CDH13: variants seen among roughly 807,000 people sequenced by gnomAD.
The protein encoded by CDH13 is cadherin 13.
Under a neutral mutation model 63.8 loss-of-function variants are expected in CDH13, and 24 were observed. That is an observed-to-expected ratio of 0.38 (90% CI 0.27 to 0.53). The LOEUF (loss-of-function observed/expected upper bound fraction) is 0.53, where lower values mean the gene tolerates loss of function less well. Among genes scored for constraint, CDH13 ranks in the 20% least tolerant of loss-of-function variants. CDH13 has a pLI of 0.85. For missense variants in CDH13, 1,049 were observed against 903.1 expected (o/e 1.16, Z -2.07); for synonymous variants, 503 against 355.3 (o/e 1.42, Z -4.67).
At position 83,426,511 on chromosome 16, in the gene CDH13, A is replaced by T. The variant is rs1228251872; in HGVS notation, c.782-59966A>T. Among the ~76,000 whole-genome samples the T allele has an allele frequency of 1.4e-4, 5 of 36,864 alleles. No homozygotes were observed. The South Asian group carries it at 4.3e-3, about 32-fold the overall frequency. The allele number at this position is 36,864 out of a possible 152,430, so 24.2% of individuals were successfully genotyped here. On this transcript the variant is annotated intron_variant, in intron 6 of 13. Transcript: ENST00000567109. ...GGAAACAACTCCCATGGAAACAATC[A>T]CACACACACACACACACACACACAC... is the stretch of plus-strand genomic sequence containing the variant.
At chr16:82,679,702 A>G (rs1914334096) in intron 1 of CDH13, among the ~76,000 whole-genome samples, 1 of 152,164 alleles carries the variant, frequency 6.6e-6, no homozygotes, top group South Asian at 2.1e-4. Context: ...ATAAATAGGG[A>G]CGTTAATACC....
intron 6 of CDH13, among the ~76,000 whole-genome samples, chr16:83,356,374 T>C (rs1220924455): frequency 6.6e-6 from 1 of 151,948 alleles, no homozygotes; most frequent in African/African-American, 2.4e-5. Context: ...TAACCTCAAA[T>C]AAAGCCAGAT....
chr16:83,490,504 G>A (rs1008367763), intron 7 of CDH13, among the ~76,000 whole-genome samples: 1 of 152,132 alleles, frequency 6.6e-6, no homozygotes, highest in African/African-American at 2.4e-5. Flanking sequence ...ATCTGAGGCA[G>A]GTGCACTCAT....
chr16:82,846,884 A>C (rs1381076282), intron 1 of CDH13, among the ~76,000 whole-genome samples: 1 of 152,228 alleles, frequency 6.6e-6, no homozygotes, highest in East Asian at 1.9e-4. Context: ...TTACTAAAAC[A>C]ATAGCAAAAA....
chr16:82,829,172 T>C (rs1472219950), intron 1 of CDH13: 1 of 152,122 alleles, frequency 6.6e-6, no homozygotes, highest in East Asian at 1.9e-4. Context: ...TATACATGAG[T>C]GGACTGGAGA....
intron 7 of CDH13, among the ~76,000 whole-genome samples, chr16:83,564,718 C>G (rs1394740147): frequency 1.3e-5 from 2 of 152,078 alleles, no homozygotes; most frequent in Non-Finnish European, 2.9e-5. Context: ...AGGGATGAAT[C>G]TTAAACCAAG....
At chr16:82,872,560 G>C (rs1416885640) in intron 2 of CDH13, among the ~76,000 whole-genome samples, 2 of 152,214 alleles carry the variant, frequency 1.3e-5, no homozygotes, top group Non-Finnish European at 2.9e-5. Context: ...TGAGAAAGCA[G>C]AAGTTCTTAT....
At chr16:83,293,268 TAGTA>T (rs1872223776) in intron 5 of CDH13, among the ~76,000 whole-genome samples, 1 of 152,336 alleles carries the variant, frequency 6.6e-6, no homozygotes, top group Non-Finnish European at 1.5e-5. Context: ...TTATTTTTAA[TAGTA>T]AGCATTTATT....
intron 3 of CDH13, among the ~76,000 whole-genome samples, chr16:83,060,358 T>C (rs1335703202): frequency 6.6e-6 from 1 of 152,192 alleles, no homozygotes. Context: ...AATCCAGCAT[T>C]TTTGTATAGG....
chr16:83,759,400 T>G (rs1024710687), intron 11 of CDH13, among the ~76,000 whole-genome samples: 1 of 152,078 alleles, frequency 6.6e-6, no homozygotes, highest in African/African-American at 2.4e-5. Flanking sequence ...TAATTCTAGA[T>G]ATATTACAGA....
intron 4 of CDH13, among the ~76,000 whole-genome samples, chr16:83,149,225 G>A (rs1284043732): frequency 6.6e-6 from 1 of 152,194 alleles, no homozygotes; most frequent in Non-Finnish European, 1.5e-5. Flanking sequence ...AATGACCTCA[G>A]AGGTGGAAAC....
chr16:82,838,812 C>T (rs572271310), intron 1 of CDH13, among the ~76,000 whole-genome samples: 90 of 152,290 alleles, frequency 5.9e-4, no homozygotes, highest in African/African-American at 1.7e-3. Context: ...CCTCTCCAGG[C>T]GGTTTATTCT....
chr16:82,782,859 G>A (rs529675023), intron 1 of CDH13, among the ~76,000 whole-genome samples: 2 of 152,264 alleles, frequency 1.3e-5, no homozygotes, highest in South Asian at 2.1e-4. Flanking sequence ...CTGCGCAGGG[G>A]CCTGGGCGAG....
At chr16:83,087,575 G>C (rs2033667716) in intron 3 of CDH13, among the ~76,000 whole-genome samples, 1 of 146,722 alleles carries the variant, frequency 6.8e-6, no homozygotes, top group South Asian at 2.2e-4. Flanking sequence ...GGCTGATGCA[G>C]CAGACTCACT....
intron 4 of CDH13, among the ~76,000 whole-genome samples, chr16:83,136,209 C>T (rs1291283974): frequency 1.3e-5 from 2 of 151,270 alleles, no homozygotes; most frequent in Non-Finnish European, 2.9e-5. Context: ...TTTGTCTGGG[C>T]ACGGTGGCTC....
chr16:83,499,333 T>C (rs539408339), intron 7 of CDH13, among the ~76,000 whole-genome samples: 1 of 152,234 alleles, frequency 6.6e-6, no homozygotes, highest in Non-Finnish European at 1.5e-5. Flanking sequence ...CAAAAGGATT[T>C]GTGTGATGTT....
rs145298808 is a variant in CDH13, at chr16:83,112,715, C to G, written c.367-12670C>G. Among the ~76,000 whole-genome samples, 1,499 of 152,262 alleles carry G rather than the reference C, an allele frequency of 9.8e-3. 31 individuals carry two copies. The highest frequency in any genetic ancestry group is 0.035 in the African/African-American group (1,441 of 41,532). ...ATTACTTAGTCAAAAAGCATGAACACTTTAAAGGCTATCAAACATAGTTAC... is the reference window on the plus strand; with the variant it reads ...ATTACTTAGTCAAAAAGCATGAACAGTTTAAAGGCTATCAAACATAGTTAC... On this transcript the variant is annotated intron_variant, in intron 3 of 13. Coordinates refer to ENST00000567109, the MANE Select transcript of CDH13 (RefSeq NM_001257.5).
intron 2 of CDH13, among the ~76,000 whole-genome samples, chr16:82,869,381 TGTA>T (rs927767277): frequency 2.7e-5 from 4 of 150,198 alleles, no homozygotes; most frequent in African/African-American, 9.8e-5. Flanking sequence ...ACAAGTCAAG[TGTA>T]GTAGTGAGAA....
intron 1 of CDH13, chr16:82,723,174 T>C (rs2032885103): frequency 6.6e-6 from 1 of 152,200 alleles, no homozygotes; most frequent in Non-Finnish European, 1.5e-5. Context: ...CAGGGAGCAG[T>C]TGGGTGGCTT....
Sources: allele counts gnomAD v4.1 joint callset (sites outside exome capture counted in the v4.1 genomes callset), GRCh38; gene constraint gnomAD v4.1.1; transcripts MANE v1.5; gene names NCBI Gene and HGNC (gene_info 2026-07-23, HGNC 2026-07-21).